ATG10: variants seen among roughly 807,000 people sequenced by gnomAD.
ATG10 encodes the protein autophagy related 10, also known as ubiquitin-like-conjugating enzyme ATG10.
In ATG10, 30 loss-of-function variants were observed where a neutral mutation model predicts 32.1. The ratio of observed to expected loss-of-function variants is 0.94; its 90% CI spans 0.70 to 1.27. The LOEUF (loss-of-function observed/expected upper bound fraction) is 1.27, where lower values mean the gene tolerates loss of function less well. ATG10 is among the 50% of genes most tolerant of loss of function. The pLI, the probability that ATG10 is intolerant of heterozygous loss-of-function variation, is 0.00. For synonymous variants in ATG10, 87 were observed against 91.5 expected, an observed-to-expected ratio of 0.95 and a Z score of 0.28; for missense variants, 233 against 262.3, an observed-to-expected ratio of 0.89 and a Z score of 0.77.
chr5:82,173,238 G>A (rs1743871489), intron 4 of ATG10, among the ~76,000 whole-genome samples: 1 of 152,146 alleles, frequency 6.6e-6, no homozygotes, highest in African/African-American at 2.4e-5. Context: ...AGATAGTGCT[G>A]GTGAAATATC....
chr5:81,983,504 CG>C (rs1761136010), intron 1 of ATG10, among the ~76,000 whole-genome samples: 2 of 134,304 alleles, frequency 1.5e-5, no homozygotes, highest in Admixed American at 7.3e-5. Context: ...GCTGGCCGGG[CG>C]GGGGGCTGAC....
chr5:82,212,048 C>T lies in ATG10; in HGVS notation c.453+33461C>T, dbSNP rs529165515. Among the ~76,000 whole-genome samples, 3 of 152,334 alleles carry T rather than the reference C, an allele frequency of 2.0e-5. No individual in the cohort carries two copies. The South Asian group carries it at 6.2e-4, about 32-fold the overall frequency. ...AATCTCAACGGACATGCAAAACTGC[C>T]AAGTCATTCTATTCCCCTCCTCTAG... On this transcript the variant is annotated intron_variant, in intron 5 of 7. Transcript: ENST00000282185.
rs1330646448 is a variant in ATG10, at chr5:81,972,143, C to CGCCCTCGAG, written c.-171_-163dup. On this transcript the variant is annotated 5_prime_UTR_variant, in exon 1 of 8. Coordinates refer to ENST00000282185, the MANE Select transcript of ATG10 (RefSeq NM_031482.5). ...GGGCGCGCTGGCTCGGCTCTTCCTCCGCCCTCGAGGCCCCCGCAGTCCCAT... is the reference window on the plus strand; with the variant it reads ...GGGCGCGCTGGCTCGGCTCTTCCTCCGCCCTCGAGGCCCTCGAGGCCCCCGCAGTCCCAT... The CGCCCTCGAG allele has an allele frequency of 1.3e-5, 2 of 152,388 alleles. No homozygotes were observed. Among genetic ancestry groups the CGCCCTCGAG allele is most frequent in the East Asian group, 3.9e-4 (2 of 5,172 alleles). The allele number at this position is 152,388 out of a possible 1,614,324, so 9.4% of individuals were successfully genotyped here. A position where few individuals can be genotyped will look rare whatever the true frequency, so the allele number is the denominator to read the frequency against.
chr5:82,225,140 C>T (rs1216357847), intron 5 of ATG10, among the ~76,000 whole-genome samples: 2 of 152,050 alleles, frequency 1.3e-5, no homozygotes, highest in Admixed American at 6.5e-5. Flanking sequence ...TCACACACTC[C>T]CAAGTGAAGA....
At chr5:82,122,762 T>C (rs1276246991) in intron 3 of ATG10, among the ~76,000 whole-genome samples, 2 of 152,206 alleles carry the variant, frequency 1.3e-5, no homozygotes, top group Non-Finnish European at 2.9e-5. Context: ...GAAAAAATGC[T>C]CAATGTCTCT....
intron 2 of ATG10, among the ~76,000 whole-genome samples, chr5:81,993,419 T>TTTTCTTTTCC: frequency 7.1e-6 from 1 of 141,248 alleles, no homozygotes; most frequent in Middle Eastern, 3.2e-3. Flanking sequence ...TTTTCTTTTC[T>TTTTCTTTTCC]TTTCTTTCCT....
chr5:82,111,880 G>A (rs998969333), intron 3 of ATG10, among the ~76,000 whole-genome samples: 1 of 151,962 alleles, frequency 6.6e-6, no homozygotes, highest in Non-Finnish European at 1.5e-5. Context: ...CAGCGTGATA[G>A]ATGATGGATA....
At chr5:82,104,866 T>C (rs1765395705) in intron 3 of ATG10, among the ~76,000 whole-genome samples, 1 of 152,158 alleles carries the variant, frequency 6.6e-6, no homozygotes, top group South Asian at 2.1e-4. Flanking sequence ...ATCTAGAATA[T>C]AAAGTTATAT....
At chr5:82,012,964 C>CTT (rs1327668079) in intron 2 of ATG10, among the ~76,000 whole-genome samples, 148 of 137,878 alleles carry the variant, frequency 1.1e-3, no homozygotes, top group African/African-American at 3.6e-3. Flanking sequence ...TTCTTTCATT[C>CTT]TTTTTTTTTT....
intron 5 of ATG10, among the ~76,000 whole-genome samples, chr5:82,201,965 T>A (rs754954884): frequency 3.5e-4 from 53 of 152,214 alleles, no homozygotes; most frequent in Non-Finnish European, 4.4e-4. Context: ...ACAATTAATT[T>A]TTGTATATTG....
At chr5:82,071,637 G>A (rs1005740587) in intron 3 of ATG10, among the ~76,000 whole-genome samples, 13 of 152,116 alleles carry the variant, frequency 8.5e-5, no homozygotes, top group African/African-American at 2.9e-4. Context: ...AGGTGCACAT[G>A]GTGATACGTG....
intron 5 of ATG10, among the ~76,000 whole-genome samples, chr5:82,223,470 A>G (rs1357725217): frequency 1.3e-5 from 2 of 152,154 alleles, no homozygotes; most frequent in African/African-American, 4.8e-5. Flanking sequence ...ATGTCTATAG[A>G]TCGCCCTTGA....
chr5:82,181,393 A>G (rs1302974946), intron 5 of ATG10, among the ~76,000 whole-genome samples: 3 of 152,256 alleles, frequency 2.0e-5, no homozygotes, highest in East Asian at 1.9e-4. Flanking sequence ...GAAAATCATC[A>G]TGAATATTTC....
At chr5:82,004,217 G>A (rs934036219) in intron 2 of ATG10, among the ~76,000 whole-genome samples, 1 of 152,126 alleles carries the variant, frequency 6.6e-6, no homozygotes, top group African/African-American at 2.4e-5. Flanking sequence ...AATAATTGGT[G>A]GATGAAACAG....
At chr5:82,242,798 T>G (rs974433588) in intron 5 of ATG10, 4 of 449,344 alleles carry the variant, frequency 8.9e-6, no homozygotes, top group African/African-American at 6.0e-5. Flanking sequence ...TACCTACAGA[T>G]CTTCACCAAG....
intron 3 of ATG10, among the ~76,000 whole-genome samples, chr5:82,133,716 T>C (rs550971527): frequency 4.6e-5 from 7 of 152,268 alleles, no homozygotes; most frequent in African/African-American, 1.4e-4. Flanking sequence ...GCTCTTTTTT[T>C]GGTTCCATAT....
chr5:82,132,021 A>T (rs1007199997), intron 3 of ATG10, among the ~76,000 whole-genome samples: 1 of 152,098 alleles, frequency 6.6e-6, no homozygotes, highest in African/African-American at 2.4e-5. Flanking sequence ...GAATTCACAC[A>T]CTATTGTGAG....
chr5:81,980,239 G>A (rs571309878), intron 1 of ATG10, among the ~76,000 whole-genome samples: 2 of 152,116 alleles, frequency 1.3e-5, no homozygotes, highest in Non-Finnish European at 2.9e-5. Context: ...TGGGAACATA[G>A]AGTAGATAAT....
At chr5:82,112,059 G>T (rs1454130038) in intron 3 of ATG10, among the ~76,000 whole-genome samples, 1 of 151,618 alleles carries the variant, frequency 6.6e-6, no homozygotes, top group Admixed American at 6.6e-5. Flanking sequence ...TTTCTGTTTT[G>T]AACACAGGTT....
Sources: gnomAD v4.1 joint callset for allele counts (sites outside exome capture counted in the v4.1 genomes callset) on GRCh38, gnomAD v4.1.1 for gene constraint, MANE v1.5 for transcripts, NCBI Gene and HGNC (gene_info 2026-07-23, HGNC 2026-07-21) for gene names.